The following GGA3 variants were observed in gnomAD, a reference collection of about 807,000 sequenced individuals.
The protein encoded by GGA3 is ADP-ribosylation factor-binding protein GGA3.
In GGA3, 57 loss-of-function variants were observed where a neutral mutation model predicts 77.5. That is an observed-to-expected ratio of 0.74 (90% CI 0.59 to 0.92). The LOEUF is 0.92. Among genes scored for constraint, GGA3 ranks in the 40% least tolerant of loss-of-function variants. The pLI is 0.00. For synonymous variants in GGA3, 416 were observed against 383.7 expected (o/e 1.08, Z -0.98); for missense variants, 970 against 914.9 (o/e 1.06, Z -0.78).
At chr17:75,261,674 G>C (rs1321535432), upstream of GGA3, 22 of 1,329,392 alleles carry the variant, frequency 1.7e-5, no homozygotes, top group Admixed American at 2.7e-5. Flanking sequence ...GGTCCTGAGA[G>C]GAGTGAGTGC....
chr17:75,252,962 G>A (rs886514870), intron 1 of GGA3, among the ~76,000 whole-genome samples: 2 of 152,038 alleles, frequency 1.3e-5, no homozygotes, highest in Admixed American at 6.5e-5. Context: ...CTCTCTTTTC[G>A]GACTCAGCCC....
chr17:75,241,548 G>T (rs761365453), intron 9 of GGA3, 32 bp from the exon 10 acceptor site: 2 of 1,600,132 alleles, frequency 1.2e-6, no homozygotes, highest in Non-Finnish European at 1.7e-6. Context: ...TCTCACTCCT[G>T]TTGTGACAGT....
intron 11 of GGA3, 191 bp downstream of exon 11, chr17:75,240,621 G>A (rs1315737309): frequency 1.4e-6 from 1 of 700,424 alleles, no homozygotes; most frequent in African/African-American, 1.8e-5. Context: ...TGCAGGGCAG[G>A]AGGCAGAGTC....
rs763172688 is a variant in GGA3 at position 75,246,575 on chromosome 17, G to A, written c.135C>T (p.Ile45=). 7 of 1,613,772 alleles carry A rather than the reference G, an allele frequency of 4.3e-6. No homozygotes were observed. Among genetic ancestry groups the A allele is most frequent in the East Asian group, 2.2e-5 (1 of 44,878 alleles). ...TCTTGTGGGCCAGCAGTCGGACGGCGATCTGTGGCCTGGGGGACAAGCAGA... is the reference window on the plus strand; with the variant it reads ...TCTTGTGGGCCAGCAGTCGGACGGCAATCTGTGGCCTGGGGGACAAGCAGA... The part of the protein sequence containing the change: ...QINKELEGPQ[I]AVRLLAHKIQ... The change falls in exon 3 of 17, where the codon ATC becomes ATT. Residue 45 remains isoleucine, a synonymous_variant. Transcript: ENST00000537686.
Position 75,240,363 on chromosome 17 carries a change from G to T in GGA3, c.1242C>A (p.Asn414Lys). 6.3e-7 allele frequency: 1 copy of T among 1,598,624 alleles called. No individual in the cohort carries two copies. The highest frequency in any genetic ancestry group is 8.5e-7 in the Non-Finnish European group (1 of 1,173,296). ...CTACCTGGAGCAGGTGCCACTGGCTGTTCCCAGCTGACTCTTTGGGAGGAA... is the reference window on the plus strand; with the variant it reads ...CTACCTGGAGCAGGTGCCACTGGCTTTTCCCAGCTGACTCTTTGGGAGGAA... ...PNVPPKESAG[N>K]SQWHLLQREQ... Residue 414 changes from asparagine to lysine, a missense_variant, in exon 12 of 17, where the codon AAC becomes AAA. Asn to Lys is a moderately conservative substitution (Grantham distance 94). Transcript: ENST00000537686.
chr17:75,246,786 G>A lies in GGA3; in HGVS notation c.51C>T (p.Thr17=). 6.2e-7 allele frequency: 1 copy of A among 1,611,902 alleles called. No individual in the cohort carries two copies. Among genetic ancestry groups the A allele is most frequent in the South Asian group, 1.1e-5 (1 of 91,052 alleles). The change falls in exon 2 of 17, where the codon ACC becomes ACT. Residue 17 remains threonine (T), a synonymous_variant. Coordinates refer to ENST00000537686, the MANE Select transcript of GGA3 (RefSeq NM_138619.4). The part of the protein sequence containing the change: ...ESLESWLNKA[T]NPSNRQEDWE... ...AGTCCTCCTGGCGGTTGGAAGGATT[G>A]GTGGCTTTATCTTGCAACACAACAA... is the stretch of plus-strand genomic sequence containing the variant.
At position 75,237,580 on chromosome 17, in the gene GGA3, A is replaced by C; in HGVS notation, c.*699T>G. On this transcript the variant is annotated 3_prime_UTR_variant, in exon 17 of 17. Transcript: ENST00000537686. Reference sequence around the variant, plus strand: ...TCTCTTCATTTTCCTTCCTATCCCTAGTTGGGCCTGTCATGAGGCCAAATT... The same window carrying C: ...TCTCTTCATTTTCCTTCCTATCCCTCGTTGGGCCTGTCATGAGGCCAAATT... 1 of 1,535,304 alleles carries C rather than the reference A, an allele frequency of 6.5e-7. No homozygotes were observed. The highest frequency in any genetic ancestry group is 1.2e-5 in the South Asian group (1 of 84,014).
chr17:75,250,842 C>A (rs1305651554), intron 1 of GGA3, among the ~76,000 whole-genome samples: 1 of 151,318 alleles, frequency 6.6e-6, no homozygotes, highest in East Asian at 1.9e-4. Context: ...CTTTGGGAGG[C>A]CGAGGCAGGC....
intron 1 of GGA3, 112 bp from the exon 2 acceptor site, chr17:75,246,908 T>A: frequency 1.3e-6 from 1 of 778,950 alleles, no homozygotes; most frequent in Non-Finnish European, 2.2e-6. Flanking sequence ...CTTTACTCTC[T>A]AATAGAGAAG....
intron 1 of GGA3, among the ~76,000 whole-genome samples, chr17:75,250,140 C>T (rs2076910916): frequency 6.6e-6 from 1 of 152,208 alleles, no homozygotes; most frequent in African/African-American, 2.4e-5. Context: ...TTTCCATCTG[C>T]CTACTGCCTC....
At chr17:75,239,156 A>G in intron 14 of GGA3, 73 bp from the exon 15 acceptor site, 1 of 1,390,556 alleles carries the variant, frequency 7.2e-7, no homozygotes, top group South Asian at 1.3e-5. Flanking sequence ...GGTGAGGAGA[A>G]AAGGGCTACT....
At position 75,240,964 on chromosome 17, in the gene GGA3, G is replaced by A. The variant is rs769369624; in HGVS notation, c.1040C>T (p.Thr347Ile). 4.2e-5 allele frequency: 68 copies of A among 1,614,032 alleles called. 1 individual carries two copies. The highest frequency in any genetic ancestry group is 4.1e-4 in the South Asian group (37 of 91,086). ...SLSSVLAPAP[T>I]PPSSGIPILP... ...GATTGGGATGCCTGAGGAGGGTGGA[G>A]TAGGTGCTGGGGCCAACACGGAGGA... is the stretch of plus-strand genomic sequence containing the variant. The change falls in exon 11 of 17, where the codon ACT becomes ATT. Residue 347 changes from threonine (T) to isoleucine (I), a missense_variant. Physicochemically the swap from Thr to Ile is moderately conservative, Grantham distance 89. Coordinates refer to ENST00000537686, the MANE Select transcript of GGA3 (RefSeq NM_138619.4).
chr17:75,246,826 G>A lies in GGA3; in HGVS notation c.41-30C>T, dbSNP rs776609331. 3.5e-5 allele frequency: 55 copies of A among 1,560,098 alleles called. No homozygotes were observed. In the Admixed American group the frequency reaches 7.7e-4, roughly 22 times the overall value. ...CAACACAACAAAGAAGAGGACAAGTGTTAGGAAGAGCAATGAGGATGCAAT... is the reference window on the plus strand; with the variant it reads ...CAACACAACAAAGAAGAGGACAAGTATTAGGAAGAGCAATGAGGATGCAAT... On this transcript the variant is annotated intron_variant, in intron 1 of 16. Coordinates refer to ENST00000537686, the MANE Select transcript of GGA3 (RefSeq NM_138619.4).
chr17:75,239,655 T>TAC (rs2076460178), intron 13 of GGA3, 84 bp from the exon 14 acceptor site: 1 of 1,449,002 alleles, frequency 6.9e-7, no homozygotes, highest in Admixed American at 1.9e-5. Flanking sequence ...ACCATGCTCT[T>TAC]ACCCAGGCCC....
chr17:75,257,941 C>T (rs2077213071), intron 1 of GGA3, among the ~76,000 whole-genome samples: 1 of 152,166 alleles, frequency 6.6e-6, no homozygotes, highest in Non-Finnish European at 1.5e-5. Flanking sequence ...TGAAGATCCA[C>T]AAAAGAAGTA....
intron 1 of GGA3, among the ~76,000 whole-genome samples, chr17:75,253,568 T>C (rs1216856013): frequency 6.6e-6 from 1 of 152,066 alleles, no homozygotes; most frequent in Non-Finnish European, 1.5e-5. Flanking sequence ...CTTCTCTGCA[T>C]TTCTGGGGGA....
chr17:75,238,985 C>T lies in GGA3; in HGVS notation c.1879G>A (p.Val627Met), dbSNP rs2076422446. 3.7e-6 allele frequency: 6 copies of T among 1,614,142 alleles called. No individual in the cohort carries two copies. Among genetic ancestry groups the T allele is most frequent in the Non-Finnish European group, 5.1e-6 (6 of 1,180,026 alleles). The change falls in exon 15 of 17, where the codon GTG becomes ATG. Residue 627 changes from valine to methionine, a missense_variant. Val to Met is a conservative substitution (Grantham distance 21). Transcript: ENST00000537686. Reference protein sequence around the residue: ...CPPGRPDVLVVVVSMLNTAPL... With the variant: ...CPPGRPDVLVMVVSMLNTAPL... ...GCCGTGTTCAGCATGGACACCACCA[C>T]CACCAGCACGTCAGGTCGTCCTGGG... is the stretch of plus-strand genomic sequence containing the variant.
chr17:75,245,348 T>C (rs2076716828), intron 3 of GGA3, among the ~76,000 whole-genome samples: 2 of 152,268 alleles, frequency 1.3e-5, no homozygotes, highest in South Asian at 2.1e-4. Flanking sequence ...TTTGGGCTGG[T>C]CATTCTTCGT....
rs2076508788 is a variant in GGA3 at position 75,240,505 on chromosome 17, C to T, written c.1193-93G>A. 11 of 815,472 alleles carry T rather than the reference C, an allele frequency of 1.3e-5. No homozygotes were observed. The Admixed American group carries it at 2.2e-4, about 17-fold the overall frequency. The allele number at this position is 815,472 out of a possible 1,614,324, so 50.5% of individuals were successfully genotyped here. ...TGAGGAGGGGTCAGGTGACAAGTGA[C>T]ATCAATGGGTGAAGGCGCCGGGAGA... On this transcript the variant is annotated intron_variant, in intron 11 of 16. Coordinates refer to ENST00000537686, the MANE Select transcript of GGA3 (RefSeq NM_138619.4).
Sources: gnomAD v4.1 joint callset for allele counts (sites outside exome capture counted in the v4.1 genomes callset) on GRCh38, gnomAD v4.1.1 for gene constraint, MANE v1.5 for transcripts, NCBI Gene and HGNC (gene_info 2026-07-23, HGNC 2026-07-21) for gene names.